The following SLC1A3 variants were observed in gnomAD, a reference collection of about 807,000 sequenced individuals.
SLC1A3 encodes the protein excitatory amino acid transporter 1.
In SLC1A3, 21 loss-of-function variants were observed where a neutral mutation model predicts 48.1. The ratio of observed to expected loss-of-function variants is 0.44; its 90% CI spans 0.31 to 0.63. SLC1A3 has a LOEUF of 0.63. SLC1A3 is among the 20% of genes least tolerant of loss of function. The pLI, the probability that SLC1A3 is intolerant of heterozygous loss-of-function variation, is 0.08. For synonymous variants in SLC1A3, 239 were observed against 251.4 expected, an observed-to-expected ratio of 0.95 and a Z score of 0.47; for missense variants, 546 against 689.0, an observed-to-expected ratio of 0.79 and a Z score of 2.32.
intron 3 of SLC1A3, chr5:36,669,445 T>C (rs1741896230): frequency 6.6e-6 from 1 of 152,208 alleles, no homozygotes; most frequent in Non-Finnish European, 1.5e-5. Context: ...AAAGCTGGCC[T>C]CCTTATCTGT....
At chr5:36,615,229 G>A (rs1739382090) in intron 2 of SLC1A3, among the ~76,000 whole-genome samples, 1 of 152,182 alleles carries the variant, frequency 6.6e-6, no homozygotes, top group Non-Finnish European at 1.5e-5. Context: ...TATGGTGTAA[G>A]ACAAATCTCT....
At chr5:36,644,893 TG>T (rs1262567344) in intron 3 of SLC1A3, among the ~76,000 whole-genome samples, 1 of 152,072 alleles carries the variant, frequency 6.6e-6, no homozygotes, top group Admixed American at 6.5e-5. Flanking sequence ...AGGGTGGGCC[TG>T]GGGGGAGACA....
At position 36,671,655 on chromosome 5, in the gene SLC1A3, G is replaced by A. The variant is rs183996186; in HGVS notation, c.524+422G>A. On this transcript the variant is annotated intron_variant, in intron 4 of 9. Coordinates refer to ENST00000265113, the MANE Select transcript of SLC1A3 (RefSeq NM_004172.5). ...AGTATCATTGCCCACTATGCACAAC[G>A]CATTATACACAGTTTGGTTCCAGAG... Among the ~76,000 whole-genome samples the A allele has an allele frequency of 4.5e-4, 69 of 152,206 alleles. 1 individual carries two copies. Among genetic ancestry groups the A allele is most frequent in the Admixed American group, 3.8e-3 (58 of 15,286 alleles).
intron 2 of SLC1A3, among the ~76,000 whole-genome samples, chr5:36,627,708 G>A (rs1295490159): frequency 6.6e-6 from 1 of 152,204 alleles, no homozygotes; most frequent in Non-Finnish European, 1.5e-5. Flanking sequence ...ATTTCCATGT[G>A]TTTAACTATG....
chr5:36,619,835 T>C (rs1178623941), intron 2 of SLC1A3, among the ~76,000 whole-genome samples: 2 of 152,234 alleles, frequency 1.3e-5, no homozygotes, highest in Non-Finnish European at 2.9e-5. Flanking sequence ...ACTCATTAAA[T>C]GCTCTCATAT....
intron 4 of SLC1A3, 102 bp from the exon 5 acceptor site, chr5:36,673,947 C>A: frequency 1.1e-6 from 1 of 908,218 alleles, no homozygotes; most frequent in Non-Finnish European, 1.8e-6. Flanking sequence ...CCATTTGTTG[C>A]TTGGTTCAAT....
At chr5:36,660,112 A>G (rs995539416) in intron 3 of SLC1A3, among the ~76,000 whole-genome samples, 10 of 152,204 alleles carry the variant, frequency 6.6e-5, no homozygotes, top group African/African-American at 9.7e-5. Flanking sequence ...TTTTACTCAA[A>G]TATATCCATC....
At chr5:36,597,719 C>A (rs1413844020) in intron 1 of SLC1A3, among the ~76,000 whole-genome samples, 1 of 152,078 alleles carries the variant, frequency 6.6e-6, no homozygotes, top group African/African-American at 2.4e-5. Context: ...CTTGCTGGTC[C>A]CCTCACAGGA....
Position 36,661,604 on chromosome 5 carries a change from C to G in SLC1A3, c.320-9425C>G, listed in dbSNP as rs376704869. Among the ~76,000 whole-genome samples the G allele has an allele frequency of 2.6e-5, 4 of 152,324 alleles. No homozygotes were observed. The East Asian group carries it at 5.8e-4, about 22-fold the overall frequency. ...TGCAGAGTGTGGGTGGGCACAGGTGCATGTGGCTCCTTTGGCCATAAGAAT... is the reference window on the plus strand; with the variant it reads ...TGCAGAGTGTGGGTGGGCACAGGTGGATGTGGCTCCTTTGGCCATAAGAAT... On this transcript the variant is annotated intron_variant, in intron 3 of 9. Transcript: ENST00000265113.
intron 2 of SLC1A3, among the ~76,000 whole-genome samples, chr5:36,618,640 A>G (rs1440759126): frequency 6.6e-6 from 1 of 152,254 alleles, no homozygotes; most frequent in Non-Finnish European, 1.5e-5. Context: ...TTAGTAGAAC[A>G]GAGGCTCTGA....
At chr5:36,678,891 G>C (rs1176781099) in intron 6 of SLC1A3, among the ~76,000 whole-genome samples, 2 of 152,166 alleles carry the variant, frequency 1.3e-5, no homozygotes, top group Non-Finnish European at 2.9e-5. Context: ...GTTTAATAAT[G>C]AATTTATTTT....
rs1393815221 is a variant in SLC1A3, at chr5:36,620,233, C to T, written c.182-9217C>T. On this transcript the variant is annotated intron_variant, in intron 2 of 9. Coordinates refer to ENST00000265113, the MANE Select transcript of SLC1A3 (RefSeq NM_004172.5). The stretch of plus-strand genomic sequence containing the variant: ...AAATTAAATCATTTAGATAAAGCAT[C>T]GCCTACCCTAAGTTACTGACAGGAT... Among the ~76,000 whole-genome samples the T allele has an allele frequency of 5.3e-5, 8 of 152,282 alleles. No homozygotes were observed. The South Asian group carries it at 8.3e-4, about 16-fold the overall frequency.
intron 3 of SLC1A3, among the ~76,000 whole-genome samples, chr5:36,632,849 CT>C (rs1230031958): frequency 6.6e-6 from 1 of 152,142 alleles, no homozygotes; most frequent in Non-Finnish European, 1.5e-5. Context: ...CTCTATAGCC[CT>C]TGTAAGCCAT....
At chr5:36,653,226 C>T (rs1391253466) in intron 3 of SLC1A3, among the ~76,000 whole-genome samples, 1 of 152,186 alleles carries the variant, frequency 6.6e-6, no homozygotes, top group Admixed American at 6.5e-5. Flanking sequence ...CGTTCCCTCC[C>T]CAAGGAAATG....
At chr5:36,645,054 G>A (rs967162709) in intron 3 of SLC1A3, among the ~76,000 whole-genome samples, 7 of 152,136 alleles carry the variant, frequency 4.6e-5, no homozygotes, top group East Asian at 3.8e-4. Flanking sequence ...TTTATGGGGC[G>A]GCGTCATTGC....
intron 3 of SLC1A3, among the ~76,000 whole-genome samples, chr5:36,643,705 G>A (rs372876551): frequency 1.3e-5 from 2 of 152,092 alleles, no homozygotes; most frequent in African/African-American, 4.8e-5. Flanking sequence ...CTTACAAAGG[G>A]TAACGTGGGC....
chr5:36,659,606 A>G (rs551788191), intron 3 of SLC1A3, among the ~76,000 whole-genome samples: 1 of 152,184 alleles, frequency 6.6e-6, no homozygotes, highest in Non-Finnish European at 1.5e-5. Flanking sequence ...CCTGGAGTTC[A>G]TGTTGATGAC....
At chr5:36,620,808 T>A (rs370573899) in intron 2 of SLC1A3, among the ~76,000 whole-genome samples, 4 of 152,046 alleles carry the variant, frequency 2.6e-5, no homozygotes, top group African/African-American at 9.7e-5. Flanking sequence ...AAAATTATAT[T>A]GTATTTTGGA....
intron 3 of SLC1A3, among the ~76,000 whole-genome samples, chr5:36,638,981 C>T (rs1320499583): frequency 6.6e-6 from 1 of 152,100 alleles, no homozygotes; most frequent in Non-Finnish European, 1.5e-5. Context: ...TTTTTAATCA[C>T]AAAAGCAATG....
Sources: gnomAD v4.1 joint callset for allele counts (sites outside exome capture counted in the v4.1 genomes callset) on GRCh38, gnomAD v4.1.1 for gene constraint, MANE v1.5 for transcripts, NCBI Gene and HGNC (gene_info 2026-07-23, HGNC 2026-07-21) for gene names.